Variants in CNTNAP2 observed in about 807,000 individuals in gnomAD.
The protein encoded by CNTNAP2 is contactin-associated protein-like 2.
A neutral mutation model predicts 155.2 loss-of-function variants in CNTNAP2; 98 were observed. The observed-to-expected ratio is 0.63, with a 90% CI of 0.54 to 0.75. The LOEUF is 0.75. Among genes scored for constraint, CNTNAP2 ranks in the 30% least tolerant of loss-of-function variants. The pLI is 0.00. For synonymous variants in CNTNAP2, 651 were observed against 631.2 expected (o/e 1.03, Z -0.47); for missense variants, 1,727 against 1,688.1 (o/e 1.02, Z -0.40).
chr7:147,058,176 T>C (rs1358502498), intron 4 of CNTNAP2, among the ~76,000 whole-genome samples: 2 of 152,204 alleles, frequency 1.3e-5, no homozygotes, highest in East Asian at 3.9e-4. Context: ...CTTTGGTTAA[T>C]TGGACATTTT....
intron 21 of CNTNAP2, among the ~76,000 whole-genome samples, chr7:148,368,511 A>T (rs1048138089): frequency 1.3e-5 from 2 of 152,174 alleles, no homozygotes; most frequent in African/African-American, 4.8e-5. Context: ...ATTCTGGGCA[A>T]GTTACTTCAC....
At chr7:146,914,898 A>G (rs113046375) in intron 3 of CNTNAP2, among the ~76,000 whole-genome samples, 6,234 of 151,940 alleles carry the variant, frequency 0.041, 146 homozygotes, top group Middle Eastern at 0.088. Flanking sequence ...TGCCTACACC[A>G]AGGTCTAGAA....
chr7:147,050,601 G>C (rs572891928), intron 4 of CNTNAP2, among the ~76,000 whole-genome samples: 2 of 152,234 alleles, frequency 1.3e-5, no homozygotes, highest in Admixed American at 1.3e-4. Flanking sequence ...ATGCTGTGTT[G>C]ATGGCACGTC....
At chr7:147,134,822 T>G (rs976410015) in intron 8 of CNTNAP2, among the ~76,000 whole-genome samples, 1 of 151,920 alleles carries the variant, frequency 6.6e-6, no homozygotes, top group African/African-American at 2.4e-5. Context: ...TCTACTCTTA[T>G]CAGCATGAGC....
intron 13 of CNTNAP2, among the ~76,000 whole-genome samples, chr7:147,642,782 T>C (rs1318155904): frequency 6.6e-6 from 1 of 152,218 alleles, no homozygotes; most frequent in Admixed American, 6.5e-5. Flanking sequence ...TAGATTATTA[T>C]TGTACATAAT....
intron 1 of CNTNAP2, among the ~76,000 whole-genome samples, chr7:146,709,207 GACAAA>G (rs1167616445): frequency 3.3e-5 from 5 of 150,572 alleles, no homozygotes; most frequent in South Asian, 4.2e-4. Flanking sequence ...TTTTTTAAGA[GACAAA>G]ACAAAATAAA....
chr7:146,352,750 G>GTTTTTTT (rs531124445), intron 1 of CNTNAP2, among the ~76,000 whole-genome samples: 1,128 of 64,278 alleles, frequency 0.018, 341 homozygotes, highest in African/African-American at 0.069. Context: ...GCATAATTCT[G>GTTTTTTT]TTTTTTTTTT....
At chr7:148,066,246 T>A (rs1283464886) in intron 15 of CNTNAP2, among the ~76,000 whole-genome samples, 3 of 152,226 alleles carry the variant, frequency 2.0e-5, no homozygotes, top group African/African-American at 7.2e-5. Context: ...TTAGATAACC[T>A]AATGACTATG....
intron 14 of CNTNAP2, among the ~76,000 whole-genome samples, chr7:147,976,319 T>C (rs1336386158): frequency 6.6e-6 from 1 of 152,208 alleles, no homozygotes; most frequent in Non-Finnish European, 1.5e-5. Flanking sequence ...TGCTTTTATT[T>C]ATTGTTCCTT....
rs73740823 is a variant in CNTNAP2, at chr7:146,726,098, A to G, written c.98-48173A>G. 9.8e-3 allele frequency among the ~76,000 whole-genome samples: 1,489 copies of G among 152,228 alleles called. 31 individuals are homozygous for G. The highest frequency in any genetic ancestry group is 0.034 in the African/African-American group (1,417 of 41,536). ...GCTATACTTCAGGGGTATTTTGAAA[A>G]CCTCAACGATTACATTTTATATTAA... On this transcript the variant is annotated intron_variant, in intron 1 of 23. Coordinates refer to ENST00000361727, the MANE Select transcript of CNTNAP2 (RefSeq NM_014141.6).
intron 13 of CNTNAP2, among the ~76,000 whole-genome samples, chr7:147,803,554 A>C (rs1346524096): frequency 6.6e-6 from 1 of 152,112 alleles, no homozygotes; most frequent in Non-Finnish European, 1.5e-5. Context: ...GACCTTAGAG[A>C]TAGTAATATA....
chr7:148,253,031 T>C (rs879352718), intron 20 of CNTNAP2, among the ~76,000 whole-genome samples: 303 of 94,354 alleles, frequency 3.2e-3, no homozygotes, highest in Middle Eastern at 5.1e-3. Flanking sequence ...GATAGATAGA[T>C]AGATAGATAG....
chr7:147,636,267 A>G (rs896962367), intron 12 of CNTNAP2, among the ~76,000 whole-genome samples: 2 of 152,162 alleles, frequency 1.3e-5, no homozygotes, highest in African/African-American at 2.4e-5. Flanking sequence ...GTGCTCTAGC[A>G]GAGAGGGATG....
At chr7:146,767,873 C>T (rs10952661) in intron 1 of CNTNAP2, among the ~76,000 whole-genome samples, 63,504 of 151,700 alleles carry the variant, frequency 0.42, 16,318 homozygotes, top group African/African-American at 0.73. Context: ...ATTAAACAAG[C>T]TGCCCCAATT....
intron 1 of CNTNAP2, among the ~76,000 whole-genome samples, chr7:146,411,389 CT>C (rs1365264399): frequency 6.6e-6 from 1 of 152,008 alleles, no homozygotes; most frequent in Non-Finnish European, 1.5e-5. Flanking sequence ...AACTCCTGAC[CT>C]TGTGATCTGC....
intron 1 of CNTNAP2, among the ~76,000 whole-genome samples, chr7:146,124,278 A>G (rs545303125): frequency 3.9e-5 from 6 of 152,326 alleles, no homozygotes; most frequent in South Asian, 2.1e-4. Flanking sequence ...TGTCACTTCT[A>G]TATCATAGAC....
intron 11 of CNTNAP2, among the ~76,000 whole-genome samples, chr7:147,508,029 C>A (rs957370889): frequency 1.3e-5 from 2 of 152,122 alleles, no homozygotes; most frequent in African/African-American, 2.4e-5. Context: ...TCAACATATG[C>A]ACTTACCCTT....
Position 147,128,731 on chromosome 7 carries a change from C to T in CNTNAP2, c.978C>T (p.Ser326=). ...FGGIPFSGKP[S]SSSRKNFKGC... ...GCATCCCTTTCTCTGGCAAGCCCAG[C>T]TCCAGCAGTAGAAAGAATTTCAAAG... is the stretch of plus-strand genomic sequence containing the variant. Residue 326 remains serine (S), a synonymous_variant, in exon 7 of 24, where the codon AGC becomes AGT. Transcript: ENST00000361727. The T allele has an allele frequency of 1.2e-6, 2 of 1,614,050 alleles. No homozygotes were observed. The highest frequency in any genetic ancestry group is 2.2e-5 in the East Asian group (1 of 44,866).
intron 14 of CNTNAP2, among the ~76,000 whole-genome samples, chr7:147,923,882 T>C (rs1800331672): frequency 6.6e-6 from 1 of 152,162 alleles, no homozygotes; most frequent in Admixed American, 6.5e-5. Context: ...GATTTCAGAC[T>C]TCTAGCCTCC....
Sources: gnomAD v4.1 joint callset for allele counts (sites outside exome capture counted in the v4.1 genomes callset) on GRCh38, gnomAD v4.1.1 for gene constraint, MANE v1.5 for transcripts, NCBI Gene and HGNC (gene_info 2026-07-23, HGNC 2026-07-21) for gene names.